Variants in AFF3 observed in about 807,000 individuals in gnomAD.
AFF3 encodes the protein ALF transcription elongation factor 3, also known as AF4/FMR2 family member 3.
A neutral mutation model predicts 129.7 loss-of-function variants in AFF3; 32 were observed. The observed-to-expected ratio is 0.25, with a 90% CI of 0.19 to 0.33. The LOEUF is 0.33. AFF3 is among the 10% of genes least tolerant of loss of function. The probability of loss-of-function intolerance (pLI) is 1.00; values close to 1 mark genes in which losing one functional copy is unlikely to be tolerated. For synonymous variants in AFF3, 644 were observed against 635.4 expected, an observed-to-expected ratio of 1.01 and a Z score of -0.20; for missense variants, 1,373 against 1,592.0, an observed-to-expected ratio of 0.86 and a Z score of 2.34.
At position 99,690,372 on chromosome 2, in the gene AFF3, G is replaced by A. The variant is rs565348095; in HGVS notation, c.1092-17783C>T. 5.5e-3 allele frequency among the ~76,000 whole-genome samples: 828 copies of A among 151,472 alleles called. 5 individuals carry two copies. Among genetic ancestry groups the A allele is most frequent in the African/African-American group, 0.019 (770 of 41,336 alleles). ...ATTTTTTTGTATTTTTAGTAGAGAT[G>A]GGGTTTCACCGTGTTAGCCAGGATG... On this transcript the variant is annotated intron_variant, in intron 11 of 24. Transcript: ENST00000672756.
intron 13 of AFF3, among the ~76,000 whole-genome samples, chr2:99,608,079 G>C (rs1213858071): frequency 1.3e-5 from 2 of 152,214 alleles, no homozygotes; most frequent in Admixed American, 6.5e-5. Flanking sequence ...AAGCTCTTCA[G>C]GGTCTGGTCT....
chr2:99,878,285 C>T lies in AFF3; in HGVS notation c.874-40761G>A, dbSNP rs191085790. On this transcript the variant is annotated intron_variant, in intron 7 of 24. Coordinates refer to ENST00000672756, the MANE Select transcript of AFF3 (RefSeq NM_001386135.1). Reference sequence around the variant, plus strand: ...ATTCTTTTGGTTGAATGTTAAGTGGCTAAATTACAACTTTGGGGAGAAACA... The same window carrying T: ...ATTCTTTTGGTTGAATGTTAAGTGGTTAAATTACAACTTTGGGGAGAAACA... Among the ~76,000 whole-genome samples the T allele has an allele frequency of 4.4e-3, 669 of 152,200 alleles. 17 individuals carry two copies. The highest frequency in any genetic ancestry group is 0.039 in the Admixed American group (595 of 15,280).
At chr2:99,564,271 G>A (rs1675765092) in intron 20 of AFF3, among the ~76,000 whole-genome samples, 1 of 152,040 alleles carries the variant, frequency 6.6e-6, no homozygotes, top group Middle Eastern at 3.2e-3. Context: ...TTCCAGCTTT[G>A]TCCCTGTCCA....
intron 7 of AFF3, among the ~76,000 whole-genome samples, chr2:99,850,103 G>A (rs527314334): frequency 6.6e-6 from 1 of 152,316 alleles, no homozygotes; most frequent in Non-Finnish European, 1.5e-5. Context: ...ATGGGACTGT[G>A]GGATGGGGCT....
chr2:100,123,437 T>A (rs1692062197), intron 2 of AFF3, among the ~76,000 whole-genome samples: 1 of 152,218 alleles, frequency 6.6e-6, no homozygotes. Flanking sequence ...ATAGAGCTAA[T>A]GATTCATATA....
intron 4 of AFF3, chr2:100,011,481 A>G: frequency 1.3e-6 from 1 of 780,990 alleles, no homozygotes; most frequent in Non-Finnish European, 2.4e-6. Flanking sequence ...GAAGGCCCCC[A>G]TGCCCAAAAT....
chr2:99,798,651 G>C (rs558877080), intron 8 of AFF3, among the ~76,000 whole-genome samples: 1 of 151,956 alleles, frequency 6.6e-6, no homozygotes, highest in African/African-American at 2.4e-5. Flanking sequence ...TCAAAAGAAA[G>C]CTGAATTGGC....
At chr2:99,859,814 G>A (rs969443631) in intron 7 of AFF3, among the ~76,000 whole-genome samples, 2 of 152,150 alleles carry the variant, frequency 1.3e-5, no homozygotes, top group Non-Finnish European at 1.5e-5. Flanking sequence ...CCTACAACAT[G>A]CTACAGAAGG....
intron 7 of AFF3, among the ~76,000 whole-genome samples, chr2:99,842,166 G>A (rs1217062637): frequency 6.6e-6 from 1 of 152,144 alleles, no homozygotes; most frequent in African/African-American, 2.4e-5. Context: ...CCAAATTACA[G>A]AAAGCGTAGG....
At chr2:99,887,562 C>T (rs1281725976) in intron 7 of AFF3, among the ~76,000 whole-genome samples, 2 of 152,172 alleles carry the variant, frequency 1.3e-5, no homozygotes, top group Non-Finnish European at 2.9e-5. Context: ...GTAATTATCA[C>T]TTAAATATCT....
rs376356527 is a variant in AFF3, at chr2:99,758,432, C to T, written c.922-6131G>A. ...TGAAACCCTGTTTCTACTAAAAATA[C>T]GAAATTAGCCAGGCGTGATGGCGCG... On this transcript the variant is annotated intron_variant, in intron 8 of 24. Transcript: ENST00000672756. 1.1e-4 allele frequency among the ~76,000 whole-genome samples: 16 copies of T among 151,944 alleles called. No homozygotes were observed. The East Asian group carries it at 1.2e-3, about 11-fold the overall frequency.
chr2:100,043,538 C>T (rs543646641), intron 4 of AFF3, among the ~76,000 whole-genome samples: 1 of 151,986 alleles, frequency 6.6e-6, no homozygotes, highest in Non-Finnish European at 1.5e-5. Flanking sequence ...AGTTTCACTG[C>T]ACTTGAAATT....
chr2:99,940,150 G>T (rs768409835), intron 7 of AFF3, among the ~76,000 whole-genome samples: 1 of 152,158 alleles, frequency 6.6e-6, no homozygotes, highest in Non-Finnish European at 1.5e-5. Flanking sequence ...ATGTGTGTGT[G>T]AGTGTGCACA....
chr2:99,994,037 C>T (rs1265382421), intron 7 of AFF3, among the ~76,000 whole-genome samples: 1 of 151,542 alleles, frequency 6.6e-6, no homozygotes, highest in Admixed American at 6.6e-5. Flanking sequence ...AACTCCTGAC[C>T]TCAGGTGATC....
intron 2 of AFF3, among the ~76,000 whole-genome samples, chr2:100,124,025 A>G (rs999360020): frequency 2.6e-5 from 4 of 152,240 alleles, no homozygotes; most frequent in African/African-American, 9.6e-5. Context: ...GCTAAGAAAA[A>G]GAAACAAAGA....
chr2:99,669,205 CAAAAGACCTGTACAAGGATG>C (rs1252916601), intron 12 of AFF3, among the ~76,000 whole-genome samples: 2 of 152,122 alleles, frequency 1.3e-5, no homozygotes, highest in South Asian at 2.1e-4. Flanking sequence ...ATGTGCTCAA[CAAAAGACCTGTACAAGGATG>C]AAAAGACCTG....
Position 99,548,275 on chromosome 2 carries a change from TA to T in AFF3, c.*3198del, listed in dbSNP as rs1382678862. ...GACATGGTAATAAAAATTATTTGCT[TA>T]AATTTGAGAGTCTCTGGAAGGATAT... On this transcript the variant is annotated 3_prime_UTR_variant, in exon 25 of 25. Transcript: ENST00000672756. 1.0e-5 allele frequency: 2 copies of T among 199,158 alleles called. No individual in the cohort carries two copies. The highest frequency in any genetic ancestry group is 2.1e-5 in the Non-Finnish European group (2 of 96,390). 12.3% of individuals were successfully genotyped at this position (199,158 alleles called of 1,614,324 possible).
chr2:99,793,813 T>C (rs1685376419), intron 8 of AFF3, among the ~76,000 whole-genome samples: 1 of 152,206 alleles, frequency 6.6e-6, no homozygotes, highest in Non-Finnish European at 1.5e-5. Flanking sequence ...TCCTTCTACT[T>C]CCTTTGGGTT....
At chr2:99,662,437 T>G (rs956888134) in intron 12 of AFF3, among the ~76,000 whole-genome samples, 1 of 152,170 alleles carries the variant, frequency 6.6e-6, no homozygotes, top group Non-Finnish European at 1.5e-5. Context: ...TTTTCTGTGT[T>G]GCTATGAGGT....
Sources: allele counts gnomAD v4.1 joint callset (sites outside exome capture counted in the v4.1 genomes callset), GRCh38; gene constraint gnomAD v4.1.1; transcripts MANE v1.5; gene names NCBI Gene and HGNC (gene_info 2026-07-23, HGNC 2026-07-21).